The following DNAAF4 variants were observed in gnomAD, a reference collection of about 807,000 sequenced individuals.
The protein encoded by DNAAF4 is dynein assembly factor 4, axonemal.
Under a neutral mutation model 51.8 loss-of-function variants are expected in DNAAF4, and 43 were observed. The observed-to-expected ratio is 0.83, with a 90% confidence interval of 0.65 to 1.07. The LOEUF is 1.07. Ranked by LOEUF, DNAAF4 falls within the 50% of genes least tolerant of loss-of-function variation. DNAAF4 has a pLI of 0.00. For missense variants in DNAAF4, 581 were observed against 493.0 expected (o/e 1.18, Z -1.69); for synonymous variants, 194 against 165.6 (o/e 1.17, Z -1.32).
At position 55,418,135 on chromosome 15, in the gene DNAAF4, T is replaced by C; in HGVS notation, c.1048-2A>G. On this transcript the variant is annotated splice_acceptor_variant, in intron 7 of 7. Transcript: ENST00000448430. LOFTEE classifies it high-confidence loss of function. ...AATGCCCTCAAGAGAACAGAATTCC[T>C]GAAAAAGGGAAGTGGGTGGGACTGA... The C allele has an allele frequency of 6.4e-7, 1 of 1,573,870 alleles. No individual in the cohort carries two copies. The highest frequency in any genetic ancestry group is 8.6e-7 in the Non-Finnish European group (1 of 1,167,624).
chr15:55,430,542 T>G lies in DNAAF4; in HGVS notation c.*128A>C, dbSNP rs2057476313. The G allele has an allele frequency of 7.6e-7, 1 of 1,313,658 alleles. No individual in the cohort carries two copies. The highest frequency in any genetic ancestry group is 9.7e-7 in the Non-Finnish European group (1 of 1,028,186). 81.4% of individuals were successfully genotyped at this position (1,313,658 alleles called of 1,614,324 possible). A position where few individuals can be genotyped will look rare whatever the true frequency, so the allele number is the denominator to read the frequency against. Reference sequence around the variant, plus strand: ...GTTTATTTTCTATAGATTTATAATATTTTGCCCTCAACAGAACTAAAGTAC... The same window carrying G: ...GTTTATTTTCTATAGATTTATAATAGTTTGCCCTCAACAGAACTAAAGTAC... On this transcript the variant is annotated 3_prime_UTR_variant, in exon 10 of 10. Transcript: ENST00000321149.
intron 5 of DNAAF4, among the ~76,000 whole-genome samples, chr15:55,455,387 A>AATATATATATATATAT (rs10688653): frequency 0.014 from 1,717 of 127,010 alleles, 13 homozygotes; most frequent in African/African-American, 0.026. Flanking sequence ...TAGCAAATTG[A>AATATATATATATATAT]ATATATATAT....
chr15:55,446,890 GTGCTCCC>G (rs2057835230), intron 6 of DNAAF4, among the ~76,000 whole-genome samples: 2 of 141,076 alleles, frequency 1.4e-5, no homozygotes, highest in Non-Finnish European at 3.1e-5. Flanking sequence ...CTGGGCAGAG[GTGCTCCC>G]CACTTCCCAG....
chr15:55,497,870 G>T lies in DNAAF4; in HGVS notation c.124-11C>A. The T allele has an allele frequency of 6.3e-7, 1 of 1,584,546 alleles. No individual in the cohort carries two copies. Among genetic ancestry groups the T allele is most frequent in the South Asian group, 1.2e-5 (1 of 85,534 alleles). ...TGGAGGAAAGTTGACCTATGCAGAA[G>T]GGTGAAAACAGAAACTAAGTTAGTT... On this transcript the variant is annotated splice_polypyrimidine_tract_variant and intron_variant, in intron 2 of 9. Coordinates refer to ENST00000321149, the MANE Select transcript of DNAAF4 (RefSeq NM_130810.4).
rs116715985 is a variant in DNAAF4 at position 55,435,406 on chromosome 15, T to C, written c.894-348A>G. Among the ~76,000 whole-genome samples the C allele has an allele frequency of 8.0e-3, 1,223 of 152,282 alleles. 14 individuals carry two copies. The highest frequency in any genetic ancestry group is 0.028 in the African/African-American group (1,150 of 41,546). On this transcript the variant is annotated intron_variant, in intron 7 of 9. Transcript: ENST00000321149. ...GGTTTCAAAGTTGAAGAATGAAAAG[T>C]TGGGCAAATTTCTCCCCCTGCTGGA...
At chr15:55,470,960 C>A (rs1432883464) in intron 4 of DNAAF4, among the ~76,000 whole-genome samples, 1 of 148,254 alleles carries the variant, frequency 6.7e-6, no homozygotes, top group Non-Finnish European at 1.5e-5. Flanking sequence ...CTCATGTGAT[C>A]CTCTCACCTC....
chr15:55,478,343 C>A (rs917184873), intron 4 of DNAAF4, among the ~76,000 whole-genome samples: 1 of 152,182 alleles, frequency 6.6e-6, no homozygotes, highest in Non-Finnish European at 1.5e-5. Flanking sequence ...GCCCAGTCCC[C>A]TTGTTCAGAA....
At chr15:55,476,805 C>G (rs1411336765) in intron 4 of DNAAF4, among the ~76,000 whole-genome samples, 1 of 151,992 alleles carries the variant, frequency 6.6e-6, no homozygotes, top group African/African-American at 2.4e-5. Flanking sequence ...TGGTGGCTGT[C>G]AAGGGCTGGG....
chr15:55,435,273 G>C (rs1216695751), intron 7 of DNAAF4, among the ~76,000 whole-genome samples: 2 of 53,980 alleles, frequency 3.7e-5, no homozygotes, highest in African/African-American at 1.6e-4. Flanking sequence ...GTAGACATTA[G>C]TAATTTAAGC....
intron 5 of DNAAF4, among the ~76,000 whole-genome samples, chr15:55,460,504 T>A (rs1411632781): frequency 1.3e-5 from 2 of 151,974 alleles, no homozygotes; most frequent in Non-Finnish European, 2.9e-5. Flanking sequence ...TATAAAACAG[T>A]TATTATTAGA....
intron 4 of DNAAF4, among the ~76,000 whole-genome samples, chr15:55,484,436 G>A (rs1462967002): frequency 6.7e-6 from 1 of 148,448 alleles, no homozygotes; most frequent in Non-Finnish European, 1.5e-5. Flanking sequence ...AGTGAGCCGA[G>A]ATCGCACCAC....
chr15:55,442,702 T>A, intron 6 of DNAAF4: 1 of 1,473,508 alleles, frequency 6.8e-7, no homozygotes, highest in Non-Finnish European at 9.5e-7. Flanking sequence ...GGTCTTCTCA[T>A]CAACACTCTG....
intron 8 of DNAAF4, among the ~76,000 whole-genome samples, chr15:55,433,914 T>TTG (rs2057551050): frequency 2.6e-4 from 5 of 19,026 alleles, no homozygotes; most frequent in African/African-American, 7.3e-4. Context: ...TTATATATAA[T>TTG]TATATATATT....
chr15:55,439,660 C>T (rs1374602327), intron 6 of DNAAF4, 79 bp from the exon 7 acceptor site: 3 of 1,263,318 alleles, frequency 2.4e-6, no homozygotes, highest in Non-Finnish European at 3.3e-6. Context: ...TTCCATCTTC[C>T]TCCAGTGGAT....
chr15:55,434,467 C>A (rs944222981), intron 8 of DNAAF4, among the ~76,000 whole-genome samples: 1 of 152,052 alleles, frequency 6.6e-6, no homozygotes, highest in Non-Finnish European at 1.5e-5. Flanking sequence ...TCAAGACATA[C>A]ACAGTAAATA....
At chr15:55,461,668 C>T (rs776644920) in intron 5 of DNAAF4, among the ~76,000 whole-genome samples, 6 of 152,038 alleles carry the variant, frequency 3.9e-5, no homozygotes, top group Non-Finnish European at 8.8e-5. Context: ...TAGCACTAAA[C>T]GCCTACATCA....
At chr15:55,489,827 G>C (rs563864757) in intron 4 of DNAAF4, among the ~76,000 whole-genome samples, 11 of 151,448 alleles carry the variant, frequency 7.3e-5, no homozygotes, top group African/African-American at 1.9e-4. Flanking sequence ...GCGTATTATA[G>C]ATTCCTTAGT....
chr15:55,478,064 G>A (rs2058360223), intron 4 of DNAAF4, among the ~76,000 whole-genome samples: 1 of 152,154 alleles, frequency 6.6e-6, no homozygotes, highest in South Asian at 2.1e-4. Context: ...GGGGCCCAGG[G>A]CCTTCCTCAC....
In DNAAF4 at chr15:55,450,149, C is replaced by T. The variant is rs907136931; in HGVS notation, c.783+73G>A. On this transcript the variant is annotated intron_variant, in intron 6 of 9. Coordinates refer to ENST00000321149, the MANE Select transcript of DNAAF4 (RefSeq NM_130810.4). Reference sequence around the variant, plus strand: ...ATACTTAAGAAATTCAGAACCAGTACTAATTTCAATAGATGAAATAAAAAT... The same window carrying T: ...ATACTTAAGAAATTCAGAACCAGTATTAATTTCAATAGATGAAATAAAAAT... 10 of 1,428,602 alleles carry T rather than the reference C, an allele frequency of 7.0e-6. No homozygotes were observed. In the African/African-American group the frequency reaches 1.3e-4, roughly 18 times the overall value. 88.5% of individuals were successfully genotyped at this position (1,428,602 alleles called of 1,614,324 possible).
Sources: allele counts gnomAD v4.1 joint callset (sites outside exome capture counted in the v4.1 genomes callset), GRCh38; gene constraint gnomAD v4.1.1; transcripts MANE v1.5; gene names NCBI Gene and HGNC (gene_info 2026-07-23, HGNC 2026-07-21).